The following CHIA variants were observed in gnomAD, a reference collection of about 807,000 sequenced individuals.
CHIA encodes acidic mammalian chitinase.
In CHIA, 47 loss-of-function variants were observed where a neutral mutation model predicts 53.5. That is an observed-to-expected ratio of 0.88 (90% confidence interval 0.70 to 1.12). CHIA has a LOEUF of 1.12. Among genes scored for constraint, CHIA ranks in the 50% most tolerant of loss-of-function variants. CHIA has a pLI of 0.00. For missense variants in CHIA, 652 were observed against 592.2 expected (o/e 1.10, Z -1.05); for synonymous variants, 268 against 222.2 (o/e 1.21, Z -1.83).
rs913286213 is a variant in CHIA at position 111,315,339 on chromosome 1, C to T, written c.384C>T (p.Arg128=). 4 of 1,613,748 alleles carry T rather than the reference C, an allele frequency of 2.5e-6. No homozygotes were observed. The highest frequency in any genetic ancestry group is 2.2e-5 in the South Asian group (2 of 91,052). ...TCACCTCAGTCATCAAATTCCTGCG[C>T]CAGTATGAGTTTGACGGGCTGGACT... is the stretch of plus-strand genomic sequence containing the variant. The part of the protein sequence containing the change: ...TFITSVIKFL[R]QYEFDGLDFD... The change falls in exon 6 of 12, where the codon CGC becomes CGT. Residue 128 remains arginine, a synonymous_variant. Coordinates refer to ENST00000369740, the MANE Select transcript of CHIA (RefSeq NM_201653.4).
At chr1:111,319,493 A>G in intron 11 of CHIA, 25 bp downstream of exon 11, 1 of 1,611,390 alleles carries the variant, frequency 6.2e-7, no homozygotes. Context: ...GGGAATGCCC[A>G]GGTGTATAAA....
At chr1:111,302,699 C>G (rs541954576) in intron 1 of CHIA, among the ~76,000 whole-genome samples, 2 of 152,050 alleles carry the variant, frequency 1.3e-5, no homozygotes, top group South Asian at 4.1e-4. Context: ...GTCCCGTGTG[C>G]GCTTGGGAAG....
rs1056822506 is a variant in CHIA at position 111,295,841 on chromosome 1, C to T, written c.-69+4891C>T. On this transcript the variant is annotated intron_variant, in intron 1 of 11. Transcript: ENST00000369740. ...CCATGGCAGACTGTACCTGGAAAATCGGGACACTCCCACCCAAATACTGTG... is the reference window on the plus strand; with the variant it reads ...CCATGGCAGACTGTACCTGGAAAATTGGGACACTCCCACCCAAATACTGTG... Among the ~76,000 whole-genome samples, 4 of 152,304 alleles carry T rather than the reference C, an allele frequency of 2.6e-5. No individual in the cohort carries two copies. The East Asian group carries it at 5.8e-4, about 22-fold the overall frequency.
chr1:111,311,287 A>ATAC (rs1218539699), intron 2 of CHIA, among the ~76,000 whole-genome samples: 1 of 152,224 alleles, frequency 6.6e-6, no homozygotes, highest in Non-Finnish European at 1.5e-5. Flanking sequence ...AGGCCAGAAG[A>ATAC]TACTGAATTC....
chr1:111,291,713 T>C (rs752179653), intron 1 of CHIA, among the ~76,000 whole-genome samples: 9 of 151,294 alleles, frequency 5.9e-5, no homozygotes, highest in Non-Finnish European at 1.2e-4. Context: ...TATAGCAAAA[T>C]GCAACTGGAA....
chr1:111,307,359 T>C (rs1648269019), intron 1 of CHIA, among the ~76,000 whole-genome samples: 1 of 152,200 alleles, frequency 6.6e-6, no homozygotes, highest in African/African-American at 2.4e-5. Context: ...AGAATGCATA[T>C]GGTATTATTT....
intron 1 of CHIA, among the ~76,000 whole-genome samples, chr1:111,308,657 G>A (rs1054631170): frequency 7.9e-5 from 12 of 151,964 alleles, no homozygotes; most frequent in African/African-American, 2.7e-4. Context: ...CCTAATTGAG[G>A]GTCTGGTGTC....
chr1:111,298,124 G>T (rs779184281), intron 1 of CHIA, among the ~76,000 whole-genome samples: 3 of 152,114 alleles, frequency 2.0e-5, no homozygotes, highest in Non-Finnish European at 2.9e-5. Context: ...AGGAGACTTA[G>T]ACTCCCACAC....
intron 5 of CHIA, chr1:111,315,065 G>T: frequency 1.9e-6 from 1 of 527,148 alleles, no homozygotes; most frequent in East Asian, 3.2e-5. Context: ...GAGTTGGGGG[G>T]ATAACAGAAT....
chr1:111,319,234 A>T lies in CHIA; in HGVS notation c.1030A>T (p.Ile344Phe). Residue 344 changes from isoleucine (I) to phenylalanine (F), a missense_variant, in exon 10 of 12, where the codon ATT becomes TTT. By Grantham distance (21) the Ile-to-Phe change is conservative. Coordinates refer to ENST00000369740, the MANE Select transcript of CHIA (RefSeq NM_201653.4). Reference protein sequence around the residue: ...VGYDNIKSFDIKAQWLKHNKF... With the variant: ...VGYDNIKSFDFKAQWLKHNKF... ...CTATGACAACATCAAGAGCTTCGAT[A>T]TTAAGGTAAGATCAGTCCCTTAAAT... is the stretch of plus-strand genomic sequence containing the variant. 6.2e-7 allele frequency: 1 copy of T among 1,614,218 alleles called. No individual in the cohort carries two copies. Among genetic ancestry groups the T allele is most frequent in the Non-Finnish European group, 8.5e-7 (1 of 1,180,036 alleles).
At chr1:111,307,073 A>G (rs914229585) in intron 1 of CHIA, among the ~76,000 whole-genome samples, 1 of 152,234 alleles carries the variant, frequency 6.6e-6, no homozygotes, top group African/African-American at 2.4e-5. Context: ...TGCATGTGTT[A>G]TTTCACTGGG....
At chr1:111,314,031 G>A (rs991860903) in intron 4 of CHIA, among the ~76,000 whole-genome samples, 2 of 152,064 alleles carry the variant, frequency 1.3e-5, no homozygotes, top group Admixed American at 6.5e-5. Context: ...CAATCCAACC[G>A]AATTGGAATC....
At chr1:111,310,636 T>C (rs1285045081) in intron 2 of CHIA, 144 bp downstream of exon 2, 2 of 1,484,166 alleles carry the variant, frequency 1.3e-6, no homozygotes, top group East Asian at 2.4e-5. Context: ...AAATGAATCT[T>C]GTTATATACA....
At chr1:111,295,939 C>T (rs116706855) in intron 1 of CHIA, among the ~76,000 whole-genome samples, 2,225 of 152,342 alleles carry the variant, frequency 0.015, 26 homozygotes, top group Non-Finnish European at 0.022. Flanking sequence ...GTCCCATGCT[C>T]ATGGAGCCTT....
At chr1:111,303,573 A>G (rs1647937027) in intron 1 of CHIA, among the ~76,000 whole-genome samples, 1 of 152,106 alleles carries the variant, frequency 6.6e-6, no homozygotes, top group South Asian at 2.1e-4. Flanking sequence ...AGGTTATAAC[A>G]TTCTAATTTG....
At chr1:111,299,854 C>G (rs1257939018) in intron 1 of CHIA, among the ~76,000 whole-genome samples, 1 of 152,220 alleles carries the variant, frequency 6.6e-6, no homozygotes, top group Non-Finnish European at 1.5e-5. Context: ...CCCAAAATCT[C>G]CTTAAGCTGA....
At chr1:111,315,226 G>A (rs778421830) in intron 5 of CHIA, 44 bp from the exon 6 acceptor site, 12 of 1,498,790 alleles carry the variant, frequency 8.0e-6, no homozygotes, top group Admixed American at 1.7e-5. Flanking sequence ...CCAAGGTGTT[G>A]GGACCACCAA....
chr1:111,302,813 G>A lies in CHIA; in HGVS notation c.-68-7587G>A, dbSNP rs372984644. 8.6e-5 allele frequency among the ~76,000 whole-genome samples: 13 copies of A among 152,032 alleles called. No individual in the cohort carries two copies. In the South Asian group the frequency reaches 1.0e-3, roughly 12 times the overall value. Reference sequence around the variant, plus strand: ...TCCTCTATTTCCTCACTTATCTTCCGTGTGGTTGTTGTATTCATTACTGAG... The same window carrying A: ...TCCTCTATTTCCTCACTTATCTTCCATGTGGTTGTTGTATTCATTACTGAG... On this transcript the variant is annotated intron_variant, in intron 1 of 11. Coordinates refer to ENST00000369740, the MANE Select transcript of CHIA (RefSeq NM_201653.4).
chr1:111,318,152 T>C (rs767278567), intron 8 of CHIA, 43 bp downstream of exon 8: 6 of 1,502,334 alleles, frequency 4.0e-6, no homozygotes, highest in South Asian at 2.4e-5. Context: ...GAGATGATGA[T>C]GAAAATCACA....
Sources: gnomAD v4.1 joint callset for allele counts (sites outside exome capture counted in the v4.1 genomes callset) on GRCh38, gnomAD v4.1.1 for gene constraint, MANE v1.5 for transcripts, NCBI Gene and HGNC (gene_info 2026-07-23, HGNC 2026-07-21) for gene names.